Variants in CACNB2 observed in about 807,000 individuals in gnomAD.
CACNB2 encodes the protein voltage-dependent L-type calcium channel subunit beta-2.
A neutral mutation model predicts 73.3 loss-of-function variants in CACNB2; 42 were observed. The ratio of observed to expected loss-of-function variants is 0.57; its 90% CI spans 0.45 to 0.74. The LOEUF is 0.74. Among genes scored for constraint, CACNB2 ranks in the 30% least tolerant of loss-of-function variants. The pLI, the probability that CACNB2 is intolerant of heterozygous loss-of-function variation, is 0.00. For missense variants in CACNB2, 940 were observed against 853.0 expected (o/e 1.10, Z -1.27); for synonymous variants, 348 against 310.3 (o/e 1.12, Z -1.28).
intron 2 of CACNB2, among the ~76,000 whole-genome samples, chr10:18,333,616 C>T (rs1276371141): frequency 6.6e-6 from 1 of 152,128 alleles, no homozygotes; most frequent in Non-Finnish European, 1.5e-5. Context: ...ACATGTGAGC[C>T]TTCGTGTGTA....
At chr10:18,230,245 A>C (rs1314407287) in intron 2 of CACNB2, among the ~76,000 whole-genome samples, 2 of 152,234 alleles carry the variant, frequency 1.3e-5, no homozygotes, top group Non-Finnish European at 2.9e-5. Context: ...AAATGTCAGA[A>C]ATAAATCAAA....
chr10:18,497,924 G>T (rs117866664), intron 3 of CACNB2, among the ~76,000 whole-genome samples: 2 of 152,026 alleles, frequency 1.3e-5, no homozygotes, highest in African/African-American at 4.8e-5. Context: ...TGTACCTTTC[G>T]GAATTATGTC....
At chr10:18,485,475 A>C (rs1465403025) in intron 3 of CACNB2, among the ~76,000 whole-genome samples, 1 of 148,290 alleles carries the variant, frequency 6.7e-6, no homozygotes, top group African/African-American at 2.5e-5. Flanking sequence ...TTTTATAAGA[A>C]GTTAGTGTAC....
chr10:18,484,352 C>A (rs1054953265), intron 3 of CACNB2, among the ~76,000 whole-genome samples: 1 of 151,640 alleles, frequency 6.6e-6, no homozygotes, highest in African/African-American at 2.4e-5. Context: ...TGAGATCACG[C>A]CACTGTACTC....
At chr10:18,427,288 A>G (rs1480243871) in intron 3 of CACNB2, among the ~76,000 whole-genome samples, 1 of 152,140 alleles carries the variant, frequency 6.6e-6, no homozygotes, top group Non-Finnish European at 1.5e-5. Flanking sequence ...TAGATTTTCT[A>G]CATGGAACTG....
intron 3 of CACNB2, among the ~76,000 whole-genome samples, chr10:18,420,357 A>G (rs772975888): frequency 6.6e-6 from 1 of 151,944 alleles, no homozygotes; most frequent in Non-Finnish European, 1.5e-5. Context: ...AGAGAAGTAT[A>G]TGGAGATTTA....
At chr10:18,206,543 G>C (rs541995547) in intron 2 of CACNB2, 1 of 152,238 alleles carries the variant, frequency 6.6e-6, no homozygotes, top group Admixed American at 6.5e-5. Flanking sequence ...TCTTTTCCCC[G>C]ATGGGACCAA....
intron 2 of CACNB2, among the ~76,000 whole-genome samples, chr10:18,224,529 G>A (rs1319630628): frequency 6.6e-6 from 1 of 152,058 alleles, no homozygotes; most frequent in African/African-American, 2.4e-5. Flanking sequence ...ACCCACGAAG[G>A]GTTGGGACAG....
At chr10:18,277,247 C>T (rs2038336749) in intron 2 of CACNB2, among the ~76,000 whole-genome samples, 1 of 152,216 alleles carries the variant, frequency 6.6e-6, no homozygotes, top group Non-Finnish European at 1.5e-5. Context: ...GCACCGGGTG[C>T]AGACCGCAGA....
intron 3 of CACNB2, among the ~76,000 whole-genome samples, chr10:18,485,269 A>T (rs2048997005): frequency 6.6e-6 from 1 of 152,234 alleles, no homozygotes; most frequent in Non-Finnish European, 1.5e-5. Flanking sequence ...AGTTAGCAAG[A>T]TGATAGAGAG....
chr10:18,309,790 TTC>T (rs1200303229), intron 2 of CACNB2, among the ~76,000 whole-genome samples: 1 of 152,214 alleles, frequency 6.6e-6, no homozygotes, highest in East Asian at 1.9e-4. Flanking sequence ...TCTGGTGTAT[TTC>T]TGTTTGTTTC....
intron 2 of CACNB2, among the ~76,000 whole-genome samples, chr10:18,335,632 C>A (rs560752632): frequency 6.6e-6 from 1 of 152,096 alleles, no homozygotes; most frequent in African/African-American, 2.4e-5. Context: ...CTTACATGAA[C>A]CTCAATTATT....
intron 2 of CACNB2, among the ~76,000 whole-genome samples, chr10:18,398,306 G>C (rs1045118658): frequency 7.2e-5 from 11 of 152,194 alleles, no homozygotes; most frequent in African/African-American, 2.7e-4. Context: ...CTTTGGATGG[G>C]AGACTTTCAG....
At chr10:18,208,540 A>T (rs1028136811) in intron 2 of CACNB2, among the ~76,000 whole-genome samples, 3 of 152,078 alleles carry the variant, frequency 2.0e-5, no homozygotes, top group Admixed American at 1.3e-4. Flanking sequence ...TGAGCCCAGG[A>T]GTTGGAGGCT....
intron 3 of CACNB2, among the ~76,000 whole-genome samples, chr10:18,491,340 T>C (rs974081602): frequency 2.0e-5 from 3 of 152,116 alleles, no homozygotes; most frequent in Admixed American, 6.5e-5. Context: ...TCTCAGCCCT[T>C]TGGGAGGCCA....
chr10:18,538,162 G>C lies in CACNB2; in HGVS notation c.1303-18G>C, dbSNP rs1006056341. Reference sequence around the variant, plus strand: ...ACTGGGCTGGCATCAATGTGGTCTGGAATGTCTGCCTCTGCAGGAGCTGTT... The same window carrying C: ...ACTGGGCTGGCATCAATGTGGTCTGCAATGTCTGCCTCTGCAGGAGCTGTT... On this transcript the variant is annotated intron_variant, in intron 12 of 13. Coordinates refer to ENST00000324631, the MANE Select transcript of CACNB2 (RefSeq NM_201596.3). The C allele has an allele frequency of 5.6e-6, 9 of 1,613,882 alleles. No individual in the cohort carries two copies. Among genetic ancestry groups the C allele is most frequent in the African/African-American group, 1.3e-5 (1 of 74,920 alleles).
intron 3 of CACNB2, among the ~76,000 whole-genome samples, chr10:18,448,635 G>T (rs147843222): frequency 6.6e-6 from 1 of 152,084 alleles, no homozygotes; most frequent in East Asian, 1.9e-4. Context: ...CCTAAGAACC[G>T]GCCTTTCTAA....
chr10:18,539,559 G>C lies in CACNB2; in HGVS notation c.1818G>C (p.Arg606=), dbSNP rs2053941980. 6.2e-7 allele frequency: 1 copy of C among 1,613,650 alleles called. No individual in the cohort carries two copies. The highest frequency in any genetic ancestry group is 1.3e-5 in the African/African-American group (1 of 74,780). Residue 606 remains arginine (R), a synonymous_variant, in exon 14 of 14, where the codon CGG becomes CGC. Coordinates refer to ENST00000324631, the MANE Select transcript of CACNB2 (RefSeq NM_201596.3). ...GTGACCACAGACACAGGGAGTCCCG[G>C]CACCGTTCCCGGGACGTGGATCGAG... ...GSSDHRHRES[R]HRSRDVDREQ... is the part of the protein sequence containing the mutation.
chr10:18,331,288 A>C (rs1315441778), intron 2 of CACNB2, among the ~76,000 whole-genome samples: 1 of 151,426 alleles, frequency 6.6e-6, no homozygotes, highest in Non-Finnish European at 1.5e-5. Flanking sequence ...CTGGCCATAA[A>C]TTTTTTTTGA....
Sources: allele counts gnomAD v4.1 joint callset (sites outside exome capture counted in the v4.1 genomes callset), GRCh38; gene constraint gnomAD v4.1.1; transcripts MANE v1.5; gene names NCBI Gene and HGNC (gene_info 2026-07-23, HGNC 2026-07-21).